DNAJC7: variants seen among roughly 807,000 people sequenced by gnomAD.
The protein encoded by DNAJC7 is dnaJ homolog subfamily C member 7.
DNAJC7 carries 18 observed loss-of-function variants against 67.4 expected under a neutral mutation model. The ratio of observed to expected loss-of-function variants is 0.27; its 90% CI spans 0.18 to 0.40. The LOEUF (loss-of-function observed/expected upper bound fraction) is 0.40. DNAJC7 is among the 10% of genes least tolerant of loss of function. The probability of loss-of-function intolerance (pLI) is 1.00; values close to 1 mark genes in which losing one functional copy is unlikely to be tolerated. For synonymous variants in DNAJC7, 220 were observed against 207.8 expected (o/e 1.06, Z -0.50); for missense variants, 419 against 613.8 (o/e 0.68, Z 3.35).
chr17:41,988,476 A>G (rs543743645), intron 8 of DNAJC7, among the ~76,000 whole-genome samples: 1 of 152,300 alleles, frequency 6.6e-6, no homozygotes, highest in African/African-American at 2.4e-5. Context: ...TATCCCACAG[A>G]CCCTAGCCAT....
rs781806284 is a variant in DNAJC7 at position 41,987,835 on chromosome 17, A to G, written c.994T>C (p.Leu332=). Residue 332 remains leucine (L), a synonymous_variant, in exon 9 of 14, where the codon TTG becomes CTG. Coordinates refer to ENST00000457167, the MANE Select transcript of DNAJC7 (RefSeq NM_003315.4). The stretch of plus-strand genomic sequence containing the variant: ...GGCACTTACCACTGAGCTCTTCTCA[A>G]GTAGGCTTTTATGTAAGTGTCATCA... The part of the protein sequence containing the change: ...KLDDTYIKAY[L]RRAQCYMDTE... 1.9e-6 allele frequency: 3 copies of G among 1,610,156 alleles called. No homozygotes were observed. The East Asian group carries it at 6.7e-5, about 36-fold the overall frequency.
intron 1 of DNAJC7, chr17:42,016,779 T>C (rs973308478): frequency 5.8e-5 from 13 of 223,378 alleles, no homozygotes; most frequent in African/African-American, 2.8e-4. Flanking sequence ...GATAAGCCCC[T>C]CGCTCTTCCT....
At chr17:42,003,955 T>A (rs1215098538) in intron 1 of DNAJC7, among the ~76,000 whole-genome samples, 1 of 143,174 alleles carries the variant, frequency 7.0e-6, no homozygotes, top group Non-Finnish European at 1.5e-5. Flanking sequence ...TTTCAATTTT[T>A]TTTTTTTTTT....
Position 42,017,417 on chromosome 17 carries a change from C to G in DNAJC7, c.-1G>C. 2 of 1,606,958 alleles carry G rather than the reference C, an allele frequency of 1.2e-6. No individual in the cohort carries two copies. The highest frequency in any genetic ancestry group is 1.7e-6 in the Non-Finnish European group (2 of 1,179,836). On this transcript the variant is annotated 5_prime_UTR_variant, in exon 1 of 14. Coordinates refer to ENST00000457167, the MANE Select transcript of DNAJC7 (RefSeq NM_003315.4). Reference sequence around the variant, plus strand: ...CATCGCACTCCGCGGCAGCCGCCATCTTACCGCCGGGACCAGAGAGCTGGG... The same window carrying G: ...CATCGCACTCCGCGGCAGCCGCCATGTTACCGCCGGGACCAGAGAGCTGGG...
At chr17:42,008,182 G>A (rs2052020000) in intron 1 of DNAJC7, among the ~76,000 whole-genome samples, 1 of 150,512 alleles carries the variant, frequency 6.6e-6, no homozygotes, top group Non-Finnish European at 1.5e-5. Flanking sequence ...CATGATGGAG[G>A]GTGCCTGTAA....
chr17:42,003,944 T>C (rs1218766133), intron 1 of DNAJC7, among the ~76,000 whole-genome samples: 1 of 121,184 alleles, frequency 8.3e-6, no homozygotes, highest in Non-Finnish European at 1.7e-5. Context: ...CCAATGAAGA[T>C]TTTCAATTTT....
chr17:41,976,557 T>TC lies in DNAJC7; in HGVS notation c.*175dup. ...CGCCTCCCTCCCCTGCCCTCGGTCT[T>TC]CGGCATTGGTTCCCTTTGCTCCACC... On this transcript the variant is annotated 3_prime_UTR_variant, in exon 14 of 14. Transcript: ENST00000457167. 1.4e-6 allele frequency: 1 copy of TC among 734,972 alleles called. No homozygotes were observed. Among genetic ancestry groups the TC allele is most frequent in the Non-Finnish European group, 2.1e-6 (1 of 471,722 alleles). 45.5% of individuals were successfully genotyped at this position (734,972 alleles called of 1,614,324 possible).
At chr17:42,016,939 G>C in intron 1 of DNAJC7, 6 of 1,149,942 alleles carry the variant, frequency 5.2e-6, no homozygotes, top group Non-Finnish European at 6.5e-6. Context: ...TTTGGAGACG[G>C]AAAGTGCAGA....
At chr17:41,997,316 C>A (rs1555648816) in intron 2 of DNAJC7, 77 bp from the exon 3 acceptor site, 1 of 1,530,474 alleles carries the variant, frequency 6.5e-7, no homozygotes, top group African/African-American at 1.4e-5. Context: ...GGGCTGGGCG[C>A]AGTGGCTCAT....
At chr17:42,014,595 A>G (rs2052213777) in intron 1 of DNAJC7, 1 of 140,332 alleles carries the variant, frequency 7.1e-6, no homozygotes, top group African/African-American at 2.6e-5. Context: ...TTTTTAATTG[A>G]TTTTTTTTTT....
rs368917866 is a variant in DNAJC7, at chr17:41,982,761, C to T, written c.1085-360G>A. Reference sequence around the variant, plus strand: ...ATCACCCGAGGTCAGGAGTTCGGGACTAGCCTGTCCAACATGGTGAAACCC... The same window carrying T: ...ATCACCCGAGGTCAGGAGTTCGGGATTAGCCTGTCCAACATGGTGAAACCC... On this transcript the variant is annotated intron_variant, in intron 10 of 13. Transcript: ENST00000457167. Among the ~76,000 whole-genome samples the T allele has an allele frequency of 3.3e-5, 5 of 152,260 alleles. No individual in the cohort carries two copies. The East Asian group carries it at 9.7e-4, about 29-fold the overall frequency.
chr17:41,997,576 G>A (rs1300799969), intron 2 of DNAJC7, among the ~76,000 whole-genome samples: 9 of 152,108 alleles, frequency 5.9e-5, no homozygotes, highest in Admixed American at 4.6e-4. Context: ...CAGCCTGGGC[G>A]ACAGAGGAAG....
intron 12 of DNAJC7, among the ~76,000 whole-genome samples, chr17:41,979,458 G>A (rs965582958): frequency 6.2e-5 from 9 of 144,944 alleles, no homozygotes; most frequent in African/African-American, 1.5e-4. Context: ...GATCACTTGC[G>A]GTCAGGAGTT....
chr17:42,007,375 G>A (rs1427763099), intron 1 of DNAJC7, among the ~76,000 whole-genome samples: 5 of 151,858 alleles, frequency 3.3e-5, no homozygotes, highest in African/African-American at 9.7e-5. Flanking sequence ...CCCACAGTCC[G>A]AGACCTCTTG....
intron 1 of DNAJC7, chr17:42,014,620 T>C (rs144063544): frequency 6.7e-6 from 1 of 148,800 alleles, no homozygotes; most frequent in African/African-American, 2.5e-5. Flanking sequence ...AGACGGAGTT[T>C]TGCTCTTGTT....
intron 1 of DNAJC7, among the ~76,000 whole-genome samples, chr17:42,005,356 G>T (rs772830666): frequency 4.3e-4 from 65 of 152,202 alleles, no homozygotes; most frequent in Non-Finnish European, 7.9e-4. Context: ...CCCCAAATTA[G>T]ATGCCCTATA....
At chr17:41,978,265 C>T (rs2051143562) in intron 12 of DNAJC7, among the ~76,000 whole-genome samples, 1 of 152,142 alleles carries the variant, frequency 6.6e-6, no homozygotes, top group African/African-American at 2.4e-5. Context: ...ACCAGGTGAT[C>T]CCACAGCCAC....
rs1407130615 is a variant in DNAJC7, at chr17:41,989,446, G to A, written c.711C>T (p.Leu237=). 1 of 1,614,020 alleles carries A rather than the reference G, an allele frequency of 6.2e-7. No homozygotes were observed. Among genetic ancestry groups the A allele is most frequent in the Non-Finnish European group, 8.5e-7 (1 of 1,179,892 alleles). Residue 237 remains leucine, a synonymous_variant, in exon 7 of 14, where the codon CTC becomes CTT. Coordinates refer to ENST00000457167, the MANE Select transcript of DNAJC7 (RefSeq NM_003315.4). ...EKAVQFFVQA[L]RMAPDHEKAC... ...CCTTCTCGTGGTCAGGAGCCATCCT[G>A]AGAGCCTGTACGAAAAACTGAACTG...
chr17:41,977,020 GC>G (rs1276355416), intron 13 of DNAJC7: 5 of 641,494 alleles, frequency 7.8e-6, no homozygotes, highest in African/African-American at 5.5e-5. Context: ...TTGGTACTAG[GC>G]AGTTAGAGAT....
Sources: gnomAD v4.1 joint callset for allele counts (sites outside exome capture counted in the v4.1 genomes callset) on GRCh38, gnomAD v4.1.1 for gene constraint, MANE v1.5 for transcripts, NCBI Gene and HGNC (gene_info 2026-07-23, HGNC 2026-07-21) for gene names.